The following CNIH3 variants were observed in gnomAD, a reference collection of about 807,000 sequenced individuals.
The protein encoded by CNIH3 is protein cornichon homolog 3.
Under a neutral mutation model 24.1 loss-of-function variants are expected in CNIH3, and 14 were observed. The ratio of observed to expected loss-of-function variants is 0.58; its 90% CI spans 0.38 to 0.91. The LOEUF is 0.91. Ranked by LOEUF, CNIH3 falls within the 40% of genes least tolerant of loss-of-function variation. The pLI is 0.00. For synonymous variants in CNIH3, 68 were observed against 73.8 expected (o/e 0.92, Z 0.40); for missense variants, 178 against 196.8 (o/e 0.90, Z 0.57).
At chr1:224,585,619 C>T (rs908096110) in intron 5 of CNIH3, among the ~76,000 whole-genome samples, 1 of 151,934 alleles carries the variant, frequency 6.6e-6, no homozygotes, top group Non-Finnish European at 1.5e-5. Context: ...GCCAGGACTA[C>T]AGACACATCA....
chr1:224,472,421 G>T (rs141198914), intron 1 of CNIH3, among the ~76,000 whole-genome samples: 1 of 152,116 alleles, frequency 6.6e-6, no homozygotes, highest in Non-Finnish European at 1.5e-5. Context: ...AGAAAACATG[G>T]TATATATGTA....
At chr1:224,663,966 T>C (rs1685480032) in intron 1 of CNIH3, among the ~76,000 whole-genome samples, 1 of 152,042 alleles carries the variant, frequency 6.6e-6, no homozygotes, top group African/African-American at 2.4e-5. Context: ...ATGCCAGGGG[T>C]TTGGTCTAGT....
chr1:224,488,054 G>A (rs957755375), intron 1 of CNIH3, among the ~76,000 whole-genome samples: 1 of 151,548 alleles, frequency 6.6e-6, no homozygotes, highest in Non-Finnish European at 1.5e-5. Flanking sequence ...AATTATTTTT[G>A]ATGCTGAATA....
chr1:224,443,709 A>T (rs55813304), intron 1 of CNIH3, among the ~76,000 whole-genome samples: 8,997 of 149,304 alleles, frequency 0.06, 403 homozygotes, highest in African/African-American at 0.13. Context: ...ATATATATAT[A>T]TATTTTTTTA....
intron 2 of CNIH3, among the ~76,000 whole-genome samples, chr1:224,534,376 T>G (rs1042798658): frequency 2.0e-5 from 3 of 152,180 alleles, no homozygotes; most frequent in Admixed American, 6.5e-5. Context: ...ATGGTAAAAC[T>G]TGTTCATCAA....
At chr1:224,591,425 TG>T (rs2125028576), downstream of CNIH3, among the ~76,000 whole-genome samples, 1 of 152,326 alleles carries the variant, frequency 6.6e-6, no homozygotes, top group East Asian at 1.9e-4. Flanking sequence ...TATGTACCTC[TG>T]GGTCTTACAA....
chr1:224,730,187 C>T (rs974449095), intron 3 of CNIH3: 2 of 310,678 alleles, frequency 6.4e-6, no homozygotes, highest in Admixed American at 4.3e-5. Flanking sequence ...CCATGGGTGA[C>T]CCCTAGGAGC....
intron 3 of CNIH3, among the ~76,000 whole-genome samples, chr1:224,687,614 A>G (rs114589834): frequency 0.057 from 8,709 of 152,240 alleles, 331 homozygotes; most frequent in East Asian, 0.15. Flanking sequence ...ACAATTGGTT[A>G]TTAGTTCTTT....
Position 224,564,908 on chromosome 1 carries a change from C to T in CNIH3, n.451-1291C>T, listed in dbSNP as rs111486689. On this transcript the variant is annotated intron_variant and non_coding_transcript_variant, in intron 3 of 5. Coordinates refer to the CNIH3 transcript ENST00000471578. ...AGGCCTCTGGCTAGGAGGGCCTGAG[C>T]AGTTACAGTGGGAAGGTGGATGGTT... 7.4e-3 allele frequency among the ~76,000 whole-genome samples: 1,129 copies of T among 152,316 alleles called. 21 individuals are homozygous for T. Among genetic ancestry groups the T allele is most frequent in the African/African-American group, 0.025 (1,020 of 41,568 alleles).
intron 5 of CNIH3, chr1:224,587,366 G>A (rs1414597674): frequency 6.6e-6 from 1 of 152,436 alleles, no homozygotes; most frequent in African/African-American, 2.4e-5. Flanking sequence ...AAGCAACCCA[G>A]TAGAAGCCAG....
chr1:224,613,725 G>A (rs1164404417), upstream of CNIH3, among the ~76,000 whole-genome samples: 4 of 152,170 alleles, frequency 2.6e-5, no homozygotes, highest in Non-Finnish European at 4.4e-5. Flanking sequence ...CTTTTGCCAT[G>A]TGACATGCCT....
At position 224,668,795 on chromosome 1, in the gene CNIH3, G is replaced by A. The variant is rs368305600; in HGVS notation, c.82-12163G>A. On this transcript the variant is annotated intron_variant, in intron 1 of 5. Coordinates refer to ENST00000272133, the MANE Select transcript of CNIH3 (RefSeq NM_152495.2). ...GGATGCCAGAGGACGCACAAGTTTG[G>A]TGAGAGGAGGGGGAACCTGGGGCTG... is the stretch of plus-strand genomic sequence containing the variant. 1.3e-3 allele frequency among the ~76,000 whole-genome samples: 197 copies of A among 152,226 alleles called. 1 individual carries two copies. Among genetic ancestry groups the A allele is most frequent in the South Asian group, 9.8e-3 (47 of 4,818 alleles).
At chr1:224,574,083 G>A (rs1430322550) in intron 4 of CNIH3, among the ~76,000 whole-genome samples, 1 of 152,060 alleles carries the variant, frequency 6.6e-6, no homozygotes, top group Non-Finnish European at 1.5e-5. Flanking sequence ...AAAATATATA[G>A]TTTATTTTTG....
At chr1:224,667,780 A>G (rs1221324560) in intron 1 of CNIH3, among the ~76,000 whole-genome samples, 4 of 152,062 alleles carry the variant, frequency 2.6e-5, no homozygotes, top group African/African-American at 9.6e-5. Context: ...CATGACTACA[A>G]TTCCACTCCT....
Position 224,684,866 on chromosome 1 carries a change from G to A in CNIH3, c.198+23G>A, listed in dbSNP as rs778091310. 3.7e-6 allele frequency: 6 copies of A among 1,609,786 alleles called. No homozygotes were observed. Among genetic ancestry groups the A allele is most frequent in the Admixed American group, 1.7e-5 (1 of 60,006 alleles). On this transcript the variant is annotated intron_variant, in intron 3 of 5. Coordinates refer to ENST00000272133, the MANE Select transcript of CNIH3 (RefSeq NM_152495.2). The surrounding 1 kb of genome is among the most constrained non-coding windows in gnomAD (Gnocchi z 4.2). ...AAGGTCAGTGTGGCAGCTTCATGCC[G>A]AGGATGGAGGATCGCATGGTGGTGG...
At chr1:224,444,167 C>CTTTTAGA (rs1558462087) in intron 1 of CNIH3, among the ~76,000 whole-genome samples, 1 of 151,898 alleles carries the variant, frequency 6.6e-6, no homozygotes, top group Non-Finnish European at 1.5e-5. Context: ...ACTTATACTT[C>CTTTTAGA]GGTATATAGC....
chr1:224,603,164 A>C (rs1298230881), intron 3 of CNIH3, among the ~76,000 whole-genome samples: 1 of 125,740 alleles, frequency 8.0e-6, no homozygotes, highest in Non-Finnish European at 1.7e-5. Flanking sequence ...ATAGTCCATT[A>C]TGTATTTGTC....
At chr1:224,506,887 G>T (rs1452175355) in intron 1 of CNIH3, among the ~76,000 whole-genome samples, 3 of 150,820 alleles carry the variant, frequency 2.0e-5, no homozygotes, top group Non-Finnish European at 4.4e-5. Flanking sequence ...TTTTTTTTGA[G>T]ACAGGGTCTC....
At chr1:224,526,145 A>G (rs1435522947) in intron 2 of CNIH3, among the ~76,000 whole-genome samples, 1 of 152,240 alleles carries the variant, frequency 6.6e-6, no homozygotes, top group Non-Finnish European at 1.5e-5. Flanking sequence ...TTACAAATGT[A>G]TGAATTTTAT....
Sources: gnomAD v4.1 joint callset for allele counts (sites outside exome capture counted in the v4.1 genomes callset) on GRCh38, gnomAD v4.1.1 for gene constraint, Gnocchi (gnomAD v3.1) non-coding constraint, MANE v1.5 for transcripts, NCBI Gene and HGNC (gene_info 2026-07-23, HGNC 2026-07-21) for gene names.